Variants in AGBL4 observed in about 807,000 individuals in gnomAD.
AGBL4 encodes the protein AGBL carboxypeptidase 4, also known as cytosolic carboxypeptidase 6.
A neutral mutation model predicts 66.4 loss-of-function variants in AGBL4; 58 were observed. The observed-to-expected ratio is 0.87, with a 90% CI of 0.71 to 1.09. The LOEUF (loss-of-function observed/expected upper bound fraction) is 1.09. AGBL4 is among the 50% of genes least tolerant of loss of function. AGBL4 has a pLI of 0.00. For missense variants in AGBL4, 579 were observed against 631.0 expected (o/e 0.92, Z 0.88); for synonymous variants, 234 against 222.9 (o/e 1.05, Z -0.44).
Position 50,023,855 on chromosome 1 carries a change from T to A in AGBL4, c.-59A>T. 1 of 1,529,672 alleles carries A rather than the reference T, an allele frequency of 6.5e-7. No homozygotes were observed. The allele number at this position is 1,529,672 out of a possible 1,614,324, so 94.8% of individuals were successfully genotyped here. A position where few individuals can be genotyped will look rare whatever the true frequency, so the allele number is the denominator to read the frequency against. On this transcript the variant is annotated 5_prime_UTR_variant, in exon 1 of 14. Coordinates refer to ENST00000371839, the MANE Select transcript of AGBL4 (RefSeq NM_032785.4). ...AGACCGCGGGGCAGTAGGGAGCGGG[T>A]GGTGGGATCAGTGGGCTGACAGGAG...
intron 9 of AGBL4, among the ~76,000 whole-genome samples, chr1:48,618,583 G>C (rs966766937): frequency 3.3e-5 from 5 of 152,170 alleles, no homozygotes; most frequent in African/African-American, 4.8e-5. Context: ...AATGATCTCT[G>C]AGATCCTAGA....
At chr1:49,844,911 G>C in intron 2 of AGBL4, 1 of 1,370,126 alleles carries the variant, frequency 7.3e-7, no homozygotes, top group Non-Finnish European at 1.0e-6. Context: ...TTCAGGAGCA[G>C]TGACAGAGGA....
intron 5 of AGBL4, chr1:49,025,793 GA>G (rs1663621522): frequency 6.6e-6 from 1 of 151,980 alleles, no homozygotes; most frequent in South Asian, 2.1e-4. Flanking sequence ...TATATTTAAT[GA>G]AAAAATAATA....
At chr1:49,968,241 T>C (rs1045842461) in intron 1 of AGBL4, among the ~76,000 whole-genome samples, 3 of 150,546 alleles carry the variant, frequency 2.0e-5, no homozygotes, top group Admixed American at 6.6e-5. Flanking sequence ...AAAATCAGCA[T>C]TTCCTTGAAA....
chr1:49,538,313 T>G (rs1446111088), intron 3 of AGBL4, among the ~76,000 whole-genome samples: 4 of 152,334 alleles, frequency 2.6e-5, no homozygotes, highest in African/African-American at 9.6e-5. Flanking sequence ...CCAGTGGAAC[T>G]GGAGGTTATT....
chr1:49,089,217 C>G (rs1394394838), intron 4 of AGBL4, among the ~76,000 whole-genome samples: 1 of 150,238 alleles, frequency 6.7e-6, no homozygotes, highest in Non-Finnish European at 1.5e-5. Context: ...GAAAACCAAA[C>G]CTGAAGCAAG....
chr1:49,868,621 T>A (rs535686788), intron 1 of AGBL4, among the ~76,000 whole-genome samples: 4 of 152,166 alleles, frequency 2.6e-5, no homozygotes, highest in Non-Finnish European at 5.9e-5. Flanking sequence ...GATAAAGACT[T>A]AAATGTAAAA....
chr1:49,903,373 G>C (rs1388590630), intron 1 of AGBL4, among the ~76,000 whole-genome samples: 2 of 152,114 alleles, frequency 1.3e-5, no homozygotes, highest in East Asian at 3.9e-4. Context: ...TAGGAGGAGG[G>C]AGAGGATCAG....
At chr1:49,140,988 G>A (rs2148094042) in intron 4 of AGBL4, among the ~76,000 whole-genome samples, 1 of 152,190 alleles carries the variant, frequency 6.6e-6, no homozygotes, top group South Asian at 2.1e-4. Context: ...TTAGCATTAA[G>A]AAACTGCTTT....
At chr1:49,876,063 T>C (rs1646995582) in intron 1 of AGBL4, among the ~76,000 whole-genome samples, 1 of 148,434 alleles carries the variant, frequency 6.7e-6, no homozygotes, top group Non-Finnish European at 1.5e-5. Flanking sequence ...ATTAGCCCTT[T>C]GTCAGATGAG....
intron 3 of AGBL4, among the ~76,000 whole-genome samples, chr1:49,552,256 T>A (rs1375364135): frequency 6.6e-6 from 1 of 152,150 alleles, no homozygotes; most frequent in Non-Finnish European, 1.5e-5. Context: ...AAAAGCTTGG[T>A]TCTTCCCCCG....
chr1:49,806,478 T>C (rs1349853716), intron 2 of AGBL4, among the ~76,000 whole-genome samples: 1 of 152,086 alleles, frequency 6.6e-6, no homozygotes, highest in African/African-American at 2.4e-5. Flanking sequence ...TGGCTTCTAA[T>C]GTAAAAAATA....
intron 3 of AGBL4, among the ~76,000 whole-genome samples, chr1:49,359,736 T>G (rs182063914): frequency 7.9e-5 from 12 of 152,202 alleles, no homozygotes; most frequent in Admixed American, 6.5e-4. Context: ...CCAGTCCAGC[T>G]CAGAAAGTGA....
intron 5 of AGBL4, among the ~76,000 whole-genome samples, chr1:48,965,878 T>A (rs1658376282): frequency 6.6e-6 from 1 of 152,152 alleles, no homozygotes; most frequent in South Asian, 2.1e-4. Context: ...GATTTAAAAT[T>A]TTTCCTATTA....
intron 3 of AGBL4, among the ~76,000 whole-genome samples, chr1:49,642,423 T>C (rs1645800748): frequency 6.6e-6 from 1 of 151,936 alleles, no homozygotes; most frequent in African/African-American, 2.4e-5. Context: ...CCTTGCTGTC[T>C]CCTTAAGTTG....
At chr1:48,813,841 CTT>C (rs767698264) in intron 6 of AGBL4, among the ~76,000 whole-genome samples, 3 of 140,582 alleles carry the variant, frequency 2.1e-5, no homozygotes, top group Admixed American at 7.2e-5. Flanking sequence ...TTTTGGGTAG[CTT>C]TTTTTTTTTT....
intron 5 of AGBL4, among the ~76,000 whole-genome samples, chr1:49,037,026 G>A (rs972270283): frequency 3.3e-5 from 5 of 151,768 alleles, no homozygotes; most frequent in South Asian, 2.1e-4. Context: ...TTTCTCGAAC[G>A]TTAAAAGAAG....
chr1:49,071,931 T>C (rs181942309), intron 4 of AGBL4, among the ~76,000 whole-genome samples: 5 of 152,284 alleles, frequency 3.3e-5, no homozygotes, highest in Admixed American at 3.3e-4. Flanking sequence ...GGTGGTCCTG[T>C]ATTGGGTGCA....
intron 1 of AGBL4, among the ~76,000 whole-genome samples, chr1:49,888,869 T>A (rs928684131): frequency 2.0e-5 from 3 of 152,156 alleles, no homozygotes; most frequent in African/African-American, 7.2e-5. Context: ...TCCACAAAAG[T>A]CTATGATTCA....
Sources: allele counts gnomAD v4.1 joint callset (sites outside exome capture counted in the v4.1 genomes callset), GRCh38; gene constraint gnomAD v4.1.1; transcripts MANE v1.5; gene names NCBI Gene and HGNC (gene_info 2026-07-23, HGNC 2026-07-21).